NALCN: variants seen among roughly 807,000 people sequenced by gnomAD.
NALCN encodes sodium leak channel, non-selective, also known as sodium leak channel NALCN.
A neutral mutation model predicts 225.3 loss-of-function variants in NALCN; 111 were observed. The observed-to-expected ratio is 0.49, with a 90% CI of 0.42 to 0.58. The LOEUF is 0.58. Ranked by LOEUF, NALCN falls within the 20% of genes least tolerant of loss-of-function variation. The pLI is 0.00. For synonymous variants in NALCN, 764 were observed against 769.0 expected (o/e 0.99, Z 0.11); for missense variants, 1,378 against 2,202.4 (o/e 0.63, Z 7.49).
At chr13:101,162,858 T>C (rs898466658) in intron 15 of NALCN, among the ~76,000 whole-genome samples, 6 of 152,220 alleles carry the variant, frequency 3.9e-5, no homozygotes, top group African/African-American at 1.4e-4. Context: ...AAGTGTGAGC[T>C]TCTCTCCTGT....
At chr13:101,346,087 C>CTATATATATATATATATA (rs71121188) in intron 6 of NALCN, among the ~76,000 whole-genome samples, 8 of 70,960 alleles carry the variant, frequency 1.1e-4, no homozygotes, top group Admixed American at 2.0e-4. Context: ...CTCTCTCTCT[C>CTATATATATATATATATA]TATATATATA....
intron 37 of NALCN, among the ~76,000 whole-genome samples, chr13:101,070,430 C>G (rs2032786568): frequency 6.6e-6 from 1 of 152,156 alleles, no homozygotes; most frequent in Non-Finnish European, 1.5e-5. Flanking sequence ...TATACTTTGC[C>G]CAGATCCATC....
At chr13:101,381,855 G>A (rs1243334642) in intron 3 of NALCN, among the ~76,000 whole-genome samples, 5 of 150,438 alleles carry the variant, frequency 3.3e-5, no homozygotes, top group African/African-American at 4.9e-5. Flanking sequence ...GTGTGTTAGG[G>A]AAAAAAAAAG....
chr13:101,387,227 CAAAAAA>C (rs747159185), intron 3 of NALCN, among the ~76,000 whole-genome samples: 2 of 29,048 alleles, frequency 6.9e-5, no homozygotes, highest in African/African-American at 2.5e-4. Flanking sequence ...GACTCCGTCT[CAAAAAA>C]AAAAAAAAAA....
rs189089339 is a variant in NALCN, at chr13:101,149,258, A to T, written c.1840-4362T>A. 2.5e-4 allele frequency among the ~76,000 whole-genome samples: 38 copies of T among 150,448 alleles called. No individual in the cohort carries two copies. The East Asian group carries it at 6.7e-3, about 27-fold the overall frequency. On this transcript the variant is annotated intron_variant, in intron 15 of 43. Transcript: ENST00000251127. The stretch of plus-strand genomic sequence containing the variant: ...CAGTGAGCCAAGATTGTGCCACTGC[A>T]CTCCAGCCTGGGGGACACAGCGAGA...
rs935376324 is a variant in NALCN at position 101,292,443 on chromosome 13, A to G, written c.800-77T>C. ...AAAGCATTTTCCAGAAAAACAATCA[A>G]TATTTATCCATACTTATTTTCTCAA... On this transcript the variant is annotated intron_variant, in intron 7 of 43. Transcript: ENST00000251127. This position sits in a 1 kb window ranked among gnomAD's most constrained non-coding sequence, Gnocchi z 4.3. 5 of 1,419,014 alleles carry G rather than the reference A, an allele frequency of 3.5e-6. No homozygotes were observed. In the African/African-American group the frequency reaches 5.7e-5, roughly 16 times the overall value. 87.9% of individuals were successfully genotyped at this position (1,419,014 alleles called of 1,614,324 possible). A position where few individuals can be genotyped will look rare whatever the true frequency, so the allele number is the denominator to read the frequency against.
In NALCN at chr13:101,061,817, T is replaced by G. The variant is rs575232471; in HGVS notation, c.4755+151A>C. ...AGTCTGCATCATGATCTGACCACTG[T>G]AAGTGGAGGTAGTGGACATAGTTTA... On this transcript the variant is annotated intron_variant, in intron 41 of 43. Transcript: ENST00000251127. The G allele has an allele frequency of 3.6e-4, 248 of 685,024 alleles. 1 individual carries two copies. The African/African-American group carries it at 3.9e-3, about 11-fold the overall frequency. The allele number at this position is 685,024 out of a possible 1,614,324, so 42.4% of individuals were successfully genotyped here.
intron 34 of NALCN, among the ~76,000 whole-genome samples, chr13:101,080,255 T>C (rs2033536954): frequency 6.6e-6 from 1 of 152,080 alleles, no homozygotes. Flanking sequence ...CTATCCAACA[T>C]GGTAACCAGC....
chr13:101,394,918 C>A (rs908421443), intron 3 of NALCN, among the ~76,000 whole-genome samples: 2 of 152,198 alleles, frequency 1.3e-5, no homozygotes, highest in Non-Finnish European at 2.9e-5. Flanking sequence ...CTACTCGAGA[C>A]TTCACACAGT....
At chr13:101,401,553 T>A (rs2047479911) in intron 1 of NALCN, among the ~76,000 whole-genome samples, 2 of 152,220 alleles carry the variant, frequency 1.3e-5, no homozygotes, top group Non-Finnish European at 2.9e-5. Context: ...TCCATGCACC[T>A]TTATTATCAA....
chr13:101,290,291 T>A (rs190129317), intron 9 of NALCN, among the ~76,000 whole-genome samples: 2 of 152,292 alleles, frequency 1.3e-5, no homozygotes, highest in East Asian at 3.9e-4. Flanking sequence ...ATACTATGGT[T>A]TTAAAGGAAT....
At position 101,143,221 on chromosome 13, in the gene NALCN, C is replaced by T. The variant is rs778924033; in HGVS notation, c.1977G>A (p.Arg659=). The change falls in exon 17 of 44, where the codon AGG becomes AGA. Residue 659 remains arginine (R), a splice_region_variant and synonymous_variant. Coordinates refer to ENST00000251127, the MANE Select transcript of NALCN (RefSeq NM_052867.4). The stretch of plus-strand genomic sequence containing the variant: ...CAATAAACTGCTTCATAAAACTCTC[C>T]CTTTGCAAATGAAGTATATGTGCAT... ...LPSDFTVPKI[R]ESFMKQFIDR... is the part of the protein sequence containing the mutation. 9.3e-6 allele frequency: 15 copies of T among 1,605,166 alleles called. No homozygotes were observed. In the East Asian group the frequency reaches 2.0e-4, roughly 22 times the overall value.
intron 13 of NALCN, among the ~76,000 whole-genome samples, chr13:101,212,612 A>G (rs1697314846): frequency 6.6e-6 from 1 of 152,172 alleles, no homozygotes; most frequent in Admixed American, 6.6e-5. Flanking sequence ...CTTCATCATA[A>G]ATGGGTATAT....
chr13:101,120,505 G>T (rs1246465304), intron 18 of NALCN, among the ~76,000 whole-genome samples: 1 of 145,098 alleles, frequency 6.9e-6, no homozygotes, highest in Non-Finnish European at 1.5e-5. Context: ...ACCCAATGGG[G>T]ATCAATGCCA....
intron 6 of NALCN, among the ~76,000 whole-genome samples, chr13:101,348,729 G>A (rs1190308885): frequency 6.6e-6 from 1 of 151,722 alleles, no homozygotes; most frequent in Non-Finnish European, 1.5e-5. Context: ...TTATTTTGAA[G>A]TCTTTGGCTT....
chr13:101,207,771 A>C (rs750935252), intron 13 of NALCN, among the ~76,000 whole-genome samples: 4 of 152,224 alleles, frequency 2.6e-5, no homozygotes, highest in Non-Finnish European at 5.9e-5. Context: ...AGGGAATAAA[A>C]GCAGACCACC....
At chr13:101,221,172 G>A (rs939627749) in intron 13 of NALCN, among the ~76,000 whole-genome samples, 1 of 150,616 alleles carries the variant, frequency 6.6e-6, no homozygotes, top group African/African-American at 2.4e-5. Context: ...TTTTCTTATA[G>A]TACATTTAGT....
At chr13:101,414,612 T>C (rs1260564723) in intron 1 of NALCN, among the ~76,000 whole-genome samples, 1 of 152,230 alleles carries the variant, frequency 6.6e-6, no homozygotes, top group Non-Finnish European at 1.5e-5. Flanking sequence ...AAGAAAATGC[T>C]ACTCAAATCT....
chr13:101,209,085 T>G (rs534098486), intron 13 of NALCN, among the ~76,000 whole-genome samples: 1 of 152,314 alleles, frequency 6.6e-6, no homozygotes, highest in Non-Finnish European at 1.5e-5. Context: ...GCTTCTTTTT[T>G]ATAACGTCCA....
Sources: allele counts gnomAD v4.1 joint callset (sites outside exome capture counted in the v4.1 genomes callset), GRCh38; gene constraint gnomAD v4.1.1; non-coding constraint Gnocchi (gnomAD v3.1); transcripts MANE v1.5; gene names NCBI Gene and HGNC (gene_info 2026-07-23, HGNC 2026-07-21).